KCNIP4: variants seen among roughly 807,000 people sequenced by gnomAD.
KCNIP4 encodes the protein Kv channel-interacting protein 4.
KCNIP4 carries 12 observed loss-of-function variants against 34.0 expected under a neutral mutation model. The ratio of observed to expected loss-of-function variants is 0.35; its 90% CI spans 0.23 to 0.57. The LOEUF is 0.57. KCNIP4 is among the 20% of genes least tolerant of loss of function. KCNIP4 has a pLI of 0.83. For synonymous variants in KCNIP4, 124 were observed against 102.2 expected (o/e 1.21, Z -1.29); for missense variants, 238 against 311.7 (o/e 0.76, Z 1.78).
chr4:21,409,033 T>A (rs916461901), intron 1 of KCNIP4, among the ~76,000 whole-genome samples: 2 of 152,144 alleles, frequency 1.3e-5, no homozygotes, highest in Non-Finnish European at 2.9e-5. Context: ...TTTATGTTAT[T>A]TGGTTTATAT....
At chr4:21,670,571 TAA>T (rs1008432771) in intron 1 of KCNIP4, among the ~76,000 whole-genome samples, 1 of 149,438 alleles carries the variant, frequency 6.7e-6, no homozygotes, top group African/African-American at 2.5e-5. Flanking sequence ...TAAAGTATAA[TAA>T]AAAAAAAATC....
At chr4:21,030,065 T>A (rs1740880565) in intron 1 of KCNIP4, among the ~76,000 whole-genome samples, 1 of 152,190 alleles carries the variant, frequency 6.6e-6, no homozygotes, top group Non-Finnish European at 1.5e-5. Context: ...GGTCATGGAC[T>A]GGAACCTGTC....
At chr4:20,992,599 C>T (rs142137202) in intron 1 of KCNIP4, among the ~76,000 whole-genome samples, 1 of 152,130 alleles carries the variant, frequency 6.6e-6, no homozygotes, top group Non-Finnish European at 1.5e-5. Context: ...TCCCCCACCC[C>T]ACATACAATT....
intron 1 of KCNIP4, among the ~76,000 whole-genome samples, chr4:21,028,861 T>G (rs990832608): frequency 6.6e-6 from 1 of 152,300 alleles, no homozygotes; most frequent in African/African-American, 2.4e-5. Flanking sequence ...TGCAAGATCA[T>G]TCCAACCAAT....
chr4:21,898,784 T>A (rs1372822840), intron 1 of KCNIP4, among the ~76,000 whole-genome samples: 1 of 152,156 alleles, frequency 6.6e-6, no homozygotes, highest in African/African-American at 2.4e-5. Flanking sequence ...AAAGGGGACT[T>A]CGTCTTATAG....
intron 3 of KCNIP4, among the ~76,000 whole-genome samples, chr4:20,773,544 CG>C (rs1436643899): frequency 6.6e-6 from 1 of 152,140 alleles, no homozygotes; most frequent in African/African-American, 2.4e-5. Context: ...CGGCGCTCAG[CG>C]TGAGTTGGAC....
At chr4:21,190,389 G>A (rs578075685) in intron 1 of KCNIP4, among the ~76,000 whole-genome samples, 1 of 151,668 alleles carries the variant, frequency 6.6e-6, no homozygotes, top group Admixed American at 6.7e-5. Flanking sequence ...AGCAGTATTG[G>A]TTAATATGAT....
intron 2 of KCNIP4, among the ~76,000 whole-genome samples, chr4:20,874,030 G>A (rs1247698563): frequency 2.6e-5 from 4 of 152,184 alleles, no homozygotes; most frequent in African/African-American, 9.7e-5. Context: ...TACAGTAGTT[G>A]TGATCATCGT....
intron 1 of KCNIP4, among the ~76,000 whole-genome samples, chr4:20,925,361 C>A (rs1051011184): frequency 4.6e-5 from 7 of 152,080 alleles, no homozygotes; most frequent in South Asian, 4.2e-4. Flanking sequence ...AGATACAGGT[C>A]GTAAAGAACT....
At chr4:21,127,846 C>G (rs905128229) in intron 1 of KCNIP4, among the ~76,000 whole-genome samples, 5 of 152,172 alleles carry the variant, frequency 3.3e-5, no homozygotes, top group Non-Finnish European at 7.3e-5. Flanking sequence ...TTTTGCTAAG[C>G]ATGCTGTCCC....
At chr4:21,648,519 C>A (rs1490102769) in intron 1 of KCNIP4, among the ~76,000 whole-genome samples, 1 of 152,054 alleles carries the variant, frequency 6.6e-6, no homozygotes, top group Non-Finnish European at 1.5e-5. Context: ...AATATCTTGC[C>A]TGAAATGGAA....
intron 1 of KCNIP4, among the ~76,000 whole-genome samples, chr4:21,214,244 A>C (rs7686126): frequency 0.096 from 14,563 of 152,230 alleles, 2,234 homozygotes; most frequent in African/African-American, 0.33. Flanking sequence ...CATATCAAAC[A>C]ATAAACATGT....
intron 1 of KCNIP4, among the ~76,000 whole-genome samples, chr4:21,143,319 G>C (rs559993375): frequency 7.4e-4 from 112 of 152,356 alleles, no homozygotes; most frequent in Middle Eastern, 6.8e-3. Context: ...CTGGTTTGCA[G>C]ATAGAGAAGA....
chr4:21,762,527 T>C (rs899593543), intron 1 of KCNIP4, among the ~76,000 whole-genome samples: 2 of 152,160 alleles, frequency 1.3e-5, no homozygotes, highest in African/African-American at 4.8e-5. Context: ...CTTTAACTTA[T>C]AAAATACTAA....
At chr4:21,660,495 C>T (rs1188026229) in intron 1 of KCNIP4, among the ~76,000 whole-genome samples, 1 of 152,136 alleles carries the variant, frequency 6.6e-6, no homozygotes, top group African/African-American at 2.4e-5. Flanking sequence ...TTCAAATCTT[C>T]CCTGAAGTTG....
chr4:21,800,261 G>C (rs1192879194), intron 1 of KCNIP4, among the ~76,000 whole-genome samples: 1 of 152,160 alleles, frequency 6.6e-6, no homozygotes, highest in Non-Finnish European at 1.5e-5. Context: ...ATAGGGCTCT[G>C]TAACTGGCAG....
At chr4:21,192,046 C>G (rs1755685528) in intron 1 of KCNIP4, among the ~76,000 whole-genome samples, 1 of 152,136 alleles carries the variant, frequency 6.6e-6, no homozygotes, top group Non-Finnish European at 1.5e-5. Flanking sequence ...GATTTTGAAT[C>G]CTTTCCTCTA....
At chr4:21,062,505 C>T (rs1447756424) in intron 1 of KCNIP4, among the ~76,000 whole-genome samples, 1 of 150,346 alleles carries the variant, frequency 6.7e-6, no homozygotes, top group Non-Finnish European at 1.5e-5. Flanking sequence ...GAAACAGAAC[C>T]AATCATATAT....
intron 1 of KCNIP4, among the ~76,000 whole-genome samples, chr4:21,688,027 T>C (rs2109036966): frequency 1.3e-5 from 2 of 152,298 alleles, no homozygotes; most frequent in South Asian, 4.1e-4. Context: ...ACCTTAAGTC[T>C]AATAATGTGA....
Sources: gnomAD v4.1 joint callset for allele counts (sites outside exome capture counted in the v4.1 genomes callset) on GRCh38, gnomAD v4.1.1 for gene constraint, MANE v1.5 for transcripts, NCBI Gene and HGNC (gene_info 2026-07-23, HGNC 2026-07-21) for gene names.